The following USP50 variants were observed in gnomAD, a reference collection of about 807,000 sequenced individuals.
The protein encoded by USP50 is ubiquitin specific peptidase 50.
Under a neutral mutation model 39.2 loss-of-function variants are expected in USP50, and 37 were observed. That is an observed-to-expected ratio of 0.94 (90% CI 0.73 to 1.24). The LOEUF is 1.24. USP50 is among the 50% of genes most tolerant of loss of function. USP50 has a pLI of 0.00. For synonymous variants in USP50, 139 were observed against 144.5 expected, an observed-to-expected ratio of 0.96 and a Z score of 0.27; for missense variants, 374 against 398.2, an observed-to-expected ratio of 0.94 and a Z score of 0.52.
chr15:50,500,790 C>T lies in USP50; in HGVS notation c.984G>A (p.Lys328=). 1 of 1,590,478 alleles carries T rather than the reference C, an allele frequency of 6.3e-7. No homozygotes were observed. Among genetic ancestry groups the T allele is most frequent in the Non-Finnish European group, 8.6e-7 (1 of 1,167,982 alleles). The change falls in exon 7 of 7, where the codon AAG becomes AAA. Residue 328 remains lysine, a synonymous_variant. Coordinates refer to ENST00000532404, the MANE Select transcript of USP50 (RefSeq NM_203494.5). ...LDGGHYTAFC[K]NSVTQA is the part of the protein sequence containing the mutation. Reference sequence around the variant, plus strand: ...TATATCAGGCCTGGGTGACTGAATTCTTGCAGAAAGCAGTGTAGTGGCCAC... The same window carrying T: ...TATATCAGGCCTGGGTGACTGAATTTTTGCAGAAAGCAGTGTAGTGGCCAC...
At chr15:50,541,286 A>G (rs2053028197) in intron 3 of USP50, 22 bp from the exon 4 acceptor site, 1 of 1,587,768 alleles carries the variant, frequency 6.3e-7, no homozygotes, top group Non-Finnish European at 8.6e-7. Flanking sequence ...AGCAAATTTC[A>G]CCCAAATTAA....
rs57450027 is a variant in USP50 at position 50,523,175 on chromosome 15, C to CTTTTT, written c.936+6617_936+6621dup. The stretch of plus-strand genomic sequence containing the variant: ...AAAATCAACATATAAAAATCAGTAG[C>CTTTTT]TTTTTTTTTTTTTTTTTTGGTGAGA... On this transcript the variant is annotated intron_variant, in intron 6 of 6. Transcript: ENST00000532404. Among the ~76,000 whole-genome samples, 147 of 104,198 alleles carry CTTTTT rather than the reference C, an allele frequency of 1.4e-3. 5 individuals carry two copies. Among genetic ancestry groups the CTTTTT allele is most frequent in the South Asian group, 1.8e-3 (5 of 2,818 alleles). The allele number at this position is 104,198 out of a possible 152,430, so 68.4% of individuals were successfully genotyped here.
chr15:50,515,307 T>C (rs1253509584), intron 6 of USP50, among the ~76,000 whole-genome samples: 1 of 152,132 alleles, frequency 6.6e-6, no homozygotes, highest in Admixed American at 6.6e-5. Context: ...AGTGGCGCGA[T>C]CTCGGCTCAC....
chr15:50,534,993 C>T (rs62019152), intron 5 of USP50, among the ~76,000 whole-genome samples: 22,252 of 151,822 alleles, frequency 0.15, 2,215 homozygotes, highest in Admixed American at 0.28. Context: ...ATACAAAAAC[C>T]AGCCAGGTGT....
chr15:50,520,678 A>G (rs2052841939), intron 6 of USP50, among the ~76,000 whole-genome samples: 1 of 152,112 alleles, frequency 6.6e-6, no homozygotes, highest in Non-Finnish European at 1.5e-5. Flanking sequence ...CATCATCTGC[A>G]GTAACATGGA....
chr15:50,538,843 G>C lies in USP50; in HGVS notation c.669C>G (p.Leu223=). 1 of 1,607,272 alleles carries C rather than the reference G, an allele frequency of 6.2e-7. No individual in the cohort carries two copies. The highest frequency in any genetic ancestry group is 1.7e-5 in the Admixed American group (1 of 58,582). Residue 223 remains leucine (L), a synonymous_variant, in exon 5 of 7, where the codon CTC becomes CTG. Coordinates refer to ENST00000532404, the MANE Select transcript of USP50 (RefSeq NM_203494.5). Reference sequence around the variant, plus strand: ...GTGCGTCTTGTTGAAAAAAACATTGGAGACAGTCCTGTTAAGGAAAAAAAG... The same window carrying C: ...GTGCGTCTTGTTGAAAAAAACATTGCAGACAGTCCTGTTAAGGAAAAAAAG... ...SKYECSLRDC[L]QCFFQQDALT...
intron 6 of USP50, chr15:50,507,374 T>A: frequency 6.6e-6 from 1 of 152,252 alleles, no homozygotes; most frequent in East Asian, 1.9e-4. Flanking sequence ...AGCATCATGT[T>A]GGTGCTTAAA....
chr15:50,539,325 A>C (rs1040322415), intron 4 of USP50, among the ~76,000 whole-genome samples: 1 of 151,460 alleles, frequency 6.6e-6, no homozygotes, highest in Non-Finnish European at 1.5e-5. Flanking sequence ...TTGGCCTCCC[A>C]AAGTGCTGAG....
chr15:50,506,957 CAAAAAAAAAAAAAAAAAAAAAA>C (rs58329541), intron 6 of USP50: 1 of 46,196 alleles, frequency 2.2e-5, no homozygotes, highest in Admixed American at 3.9e-4. Flanking sequence ...GACTTCATCT[CAAAAAAAAAAAAAAAAAAAAAA>C]AAAAAAAAAA....
At chr15:50,543,489 G>A in intron 3 of USP50, 109 bp downstream of exon 3, 2 of 1,106,280 alleles carry the variant, frequency 1.8e-6, no homozygotes, top group Admixed American at 2.1e-5. Context: ...CTAGCACAGT[G>A]CTTGGCACAA....
At chr15:50,493,057 T>C, downstream of USP50, 1 of 900,242 alleles carries the variant, frequency 1.1e-6, no homozygotes, top group South Asian at 1.4e-5. Flanking sequence ...TATTTTCTCT[T>C]AGTTCTTGAC....
chr15:50,493,708 A>G (rs952230894), downstream of USP50: 1 of 375,652 alleles, frequency 2.7e-6, no homozygotes, highest in Middle Eastern at 9.3e-4. Flanking sequence ...TTGTGCCGCT[A>G]TACTCCACCA....
intron 6 of USP50, chr15:50,512,918 C>A (rs1356341925): frequency 6.6e-6 from 1 of 152,014 alleles, no homozygotes; most frequent in Non-Finnish European, 1.5e-5. Context: ...TCATGTACAA[C>A]AAACCAAAAA....
intron 3 of USP50, 29 bp downstream of exon 3, chr15:50,543,569 C>T: frequency 6.3e-7 from 1 of 1,587,460 alleles, no homozygotes. Context: ...TCAGGACTAT[C>T]CTATTTCAAG....
At chr15:50,496,935 T>C, downstream of USP50, 6 of 906,714 alleles carry the variant, frequency 6.6e-6, no homozygotes, top group Non-Finnish European at 9.8e-6. Context: ...TCTATGCTTC[T>C]CACTAGATCA....
At chr15:50,509,593 A>T (rs2052712521) in intron 6 of USP50, 1 of 152,214 alleles carries the variant, frequency 6.6e-6, no homozygotes. Context: ...GCTTGCCGTG[A>T]GCTGAGATCG....
In USP50 at chr15:50,535,903, A is replaced by G. The variant is rs559275047; in HGVS notation, c.803+2806T>C. Among the ~76,000 whole-genome samples, 17 of 152,334 alleles carry G rather than the reference A, an allele frequency of 1.1e-4. No homozygotes were observed. The South Asian group carries it at 3.5e-3, about 32-fold the overall frequency. On this transcript the variant is annotated intron_variant, in intron 5 of 6. Coordinates refer to ENST00000532404, the MANE Select transcript of USP50 (RefSeq NM_203494.5). ...CACACACACAATCAAATCAACAGAC[A>G]CAGAAAAAGTGTCTGACAAAATCCA...
chr15:50,539,996 A>C (rs985183049), intron 4 of USP50, among the ~76,000 whole-genome samples: 8 of 152,198 alleles, frequency 5.3e-5, no homozygotes, highest in East Asian at 3.9e-4. Flanking sequence ...TCTTTCCAAC[A>C]ATCTTTAGCA....
At position 50,529,898 on chromosome 15, in the gene USP50, G is replaced by A; in HGVS notation, c.835C>T (p.Leu279=). The A allele has an allele frequency of 6.2e-7, 1 of 1,613,980 alleles. No individual in the cohort carries two copies. The highest frequency in any genetic ancestry group is 8.5e-7 in the Non-Finnish European group (1 of 1,179,884). ...FDIQGTTKRK[L]RTDIHYPLTN... Reference sequence around the variant, plus strand: ...AGTGGGTAATGAATATCCGTTCTCAGCTTCCTTTTTGTTGTACCCTGAATG... The same window carrying A: ...AGTGGGTAATGAATATCCGTTCTCAACTTCCTTTTTGTTGTACCCTGAATG... The change falls in exon 6 of 7, where the codon CTG becomes TTG. Residue 279 remains leucine, a synonymous_variant. Coordinates refer to ENST00000532404, the MANE Select transcript of USP50 (RefSeq NM_203494.5).
Sources: allele counts gnomAD v4.1 joint callset (sites outside exome capture counted in the v4.1 genomes callset), GRCh38; gene constraint gnomAD v4.1.1; transcripts MANE v1.5; gene names NCBI Gene and HGNC (gene_info 2026-07-23, HGNC 2026-07-21).